CRABP2: variants seen among roughly 807,000 people sequenced by gnomAD.
CRABP2 encodes cellular retinoic acid-binding protein 2.
In CRABP2, 20 loss-of-function variants were observed where a neutral mutation model predicts 17.9. The observed-to-expected ratio is 1.12, with a 90% confidence interval of 0.79 to 1.63. The LOEUF (loss-of-function observed/expected upper bound fraction) is 1.63. CRABP2 is among the 40% of genes most tolerant of loss of function. The pLI, the probability that CRABP2 is intolerant of heterozygous loss-of-function variation, is 0.00. For missense variants in CRABP2, 151 were observed against 168.6 expected (o/e 0.90, Z 0.58); for synonymous variants, 76 against 66.4 (o/e 1.14, Z -0.70).
rs1648170841 is a variant in CRABP2 at position 156,705,536 on chromosome 1, G to A, written c.-90C>T. The A allele has an allele frequency of 1.4e-6, 2 of 1,454,564 alleles. No homozygotes were observed. The highest frequency in any genetic ancestry group is 1.7e-5 in the Admixed American group (1 of 58,472). 90.1% of individuals were successfully genotyped at this position (1,454,564 alleles called of 1,614,324 possible). ...TCAAAAGAGACGTCGCCGTCGCCGG[G>A]TCGTCAGGTTCTGGAACCAAGACAA... On this transcript the variant is annotated 5_prime_UTR_variant, in exon 1 of 4. Transcript: ENST00000368222. The surrounding 1 kb of genome is among the most constrained non-coding windows in gnomAD (Gnocchi z 5.2).
At position 156,705,202 on chromosome 1, in the gene CRABP2, G is replaced by T. The variant is rs1051759726; in HGVS notation, c.70+175C>A. On this transcript the variant is annotated intron_variant, in intron 1 of 3. Transcript: ENST00000368222. The surrounding 1 kb of genome is among the most constrained non-coding windows in gnomAD (Gnocchi z 5.2). ...CCGGTGGGCCCCCGCAGGAGAAAGC[G>T]GGATTTAGGCGTCGTGCCCAGAGCC... Among the ~76,000 whole-genome samples the T allele has an allele frequency of 6.6e-6, 1 of 152,192 alleles. No homozygotes were observed. Among genetic ancestry groups the T allele is most frequent in the African/African-American group, 2.4e-5 (1 of 41,448 alleles).
At chr1:156,700,247 G>A (rs563196944) in intron 3 of CRABP2, among the ~76,000 whole-genome samples, 171 bp from the exon 4 acceptor site, 1 of 152,248 alleles carries the variant, frequency 6.6e-6, no homozygotes, top group East Asian at 1.9e-4. Context: ...AATGGAGGGA[G>A]GATAGCAATA....
chr1:156,705,675 C>CA (rs1277334776), upstream of CRABP2: 3 of 486,892 alleles, frequency 6.2e-6, no homozygotes, highest in East Asian at 9.4e-5. This position sits in a 1 kb window ranked among gnomAD's most constrained non-coding sequence, Gnocchi z 5.2. Context: ...TCCGCCCCCC[C>CA]CCACCTGGGG....
Position 156,705,472 on chromosome 1 carries a change from G to A in CRABP2, c.-26C>T, listed in dbSNP as rs755310208. 5 of 1,612,412 alleles carry A rather than the reference G, an allele frequency of 3.1e-6. No homozygotes were observed. Among genetic ancestry groups the A allele is most frequent in the South Asian group, 2.2e-5 (2 of 91,048 alleles). ...GGTGGCGGCGCGGGAGGCGGTCCCC[G>A]TAGACTCCTAGGCTGGAGCACTGGA... On this transcript the variant is annotated 5_prime_UTR_variant, in exon 1 of 4. In the 5' UTR this introduces an upstream ATG that the reference lacks. Transcript: ENST00000368222. This position sits in a 1 kb window ranked among gnomAD's most constrained non-coding sequence, Gnocchi z 5.2.
intron 3 of CRABP2, 64 bp from the exon 4 acceptor site, chr1:156,700,140 G>A (rs1282776116): frequency 6.5e-7 from 1 of 1,544,756 alleles, no homozygotes; most frequent in East Asian, 2.3e-5. Flanking sequence ...TTGGAGAGGA[G>A]GGTTGAATGG....
chr1:156,700,200 C>A, intron 3 of CRABP2, 124 bp from the exon 4 acceptor site: 2 of 955,462 alleles, frequency 2.1e-6, no homozygotes, highest in Non-Finnish European at 3.3e-6. Flanking sequence ...GGCTCAAGAC[C>A]AACAGGCAGG....
chr1:156,704,699 A>C (rs1459228898), intron 1 of CRABP2, among the ~76,000 whole-genome samples: 1 of 152,192 alleles, frequency 6.6e-6, no homozygotes, highest in East Asian at 1.9e-4. Context: ...GGGGTTTCAC[A>C]CGAAACCATT....
At chr1:156,704,757 C>T (rs928398718) in intron 1 of CRABP2, among the ~76,000 whole-genome samples, 1 of 151,340 alleles carries the variant, frequency 6.6e-6, no homozygotes, top group East Asian at 1.9e-4. Flanking sequence ...TTTTAGAACT[C>T]TGGAGCTGCT....
At position 156,699,851 on chromosome 1, in the gene CRABP2, A is replaced by G; in HGVS notation, c.*175T>C. ...TTCCTCTTTGTTGGTGTAGGGGAGG[A>G]GAGAAGAGGTCAAAGAAAGCAAGAC... On this transcript the variant is annotated 3_prime_UTR_variant, in exon 4 of 4. Coordinates refer to ENST00000368222, the MANE Select transcript of CRABP2 (RefSeq NM_001878.4). 2 of 611,556 alleles carry G rather than the reference A, an allele frequency of 3.3e-6. No individual in the cohort carries two copies. The highest frequency in any genetic ancestry group is 5.8e-6 in the Non-Finnish European group (2 of 346,568). 37.9% of individuals were successfully genotyped at this position (611,556 alleles called of 1,614,324 possible). A position where few individuals can be genotyped will look rare whatever the true frequency, so the allele number is the denominator to read the frequency against.
chr1:156,703,380 T>C (rs573917771), intron 1 of CRABP2, among the ~76,000 whole-genome samples: 2 of 152,152 alleles, frequency 1.3e-5, no homozygotes, highest in African/African-American at 2.4e-5. Flanking sequence ...AGCACCCCTC[T>C]GAAAGGAAGA....
Position 156,705,457 on chromosome 1 carries a change from C to T in CRABP2, c.-11G>A, listed in dbSNP as rs1341739974. The T allele has an allele frequency of 2.5e-6, 4 of 1,614,068 alleles. No individual in the cohort carries two copies. In the South Asian group the frequency reaches 4.4e-5, roughly 18 times the overall value. On this transcript the variant is annotated 5_prime_UTR_variant, in exon 1 of 4. Transcript: ENST00000368222. This position sits in a 1 kb window ranked among gnomAD's most constrained non-coding sequence, Gnocchi z 5.2. ...AGAGAAGTTGGGCATGGTGGCGGCGCGGGAGGCGGTCCCCGTAGACTCCTA... is the reference window on the plus strand; with the variant it reads ...AGAGAAGTTGGGCATGGTGGCGGCGTGGGAGGCGGTCCCCGTAGACTCCTA...
intron 1 of CRABP2, among the ~76,000 whole-genome samples, chr1:156,704,425 G>A (rs1184926654): frequency 6.6e-6 from 1 of 152,118 alleles, no homozygotes; most frequent in Non-Finnish European, 1.5e-5. Flanking sequence ...CTGCCCTTAC[G>A]CTCCCAGTGG....
intron 3 of CRABP2, among the ~76,000 whole-genome samples, 181 bp from the exon 4 acceptor site, chr1:156,700,257 A>G (rs114938415): frequency 0.012 from 1,844 of 152,218 alleles, 28 homozygotes; most frequent in African/African-American, 0.042. Context: ...GGATAGCAAT[A>G]GAGCCCCTGG....
upstream of CRABP2, chr1:156,705,716 T>C: frequency 2.2e-6 from 1 of 445,050 alleles, no homozygotes; most frequent in Non-Finnish European, 4.1e-6. This position sits in a 1 kb window ranked among gnomAD's most constrained non-coding sequence, Gnocchi z 5.2. Context: ...AACCTCTGGA[T>C]CTAGCCCGCG....
At chr1:156,703,747 A>G (rs1230304387) in intron 1 of CRABP2, among the ~76,000 whole-genome samples, 1 of 152,172 alleles carries the variant, frequency 6.6e-6, no homozygotes, top group Admixed American at 6.5e-5. Flanking sequence ...ACAGGTCCCC[A>G]AGTCTTATTG....
chr1:156,702,451 C>T (rs183734782), intron 1 of CRABP2, among the ~76,000 whole-genome samples: 4 of 149,884 alleles, frequency 2.7e-5, no homozygotes, highest in African/African-American at 4.9e-5. Context: ...GGCGAGACTC[C>T]ATCTCAAAAA....
chr1:156,701,387 G>T (rs529126625), intron 1 of CRABP2, among the ~76,000 whole-genome samples: 363 of 152,166 alleles, frequency 2.4e-3, no homozygotes, highest in Non-Finnish European at 4.0e-3. Flanking sequence ...GAATGCCCAG[G>T]GGCAGCTTCT....
chr1:156,705,581 G>A lies in CRABP2; in HGVS notation c.-135C>T. 2.2e-6 allele frequency: 2 copies of A among 906,534 alleles called. No individual in the cohort carries two copies. Among genetic ancestry groups the A allele is most frequent in the South Asian group, 2.9e-5 (2 of 68,042 alleles). 56.2% of individuals were successfully genotyped at this position (906,534 alleles called of 1,614,324 possible). The stretch of plus-strand genomic sequence containing the variant: ...AGACAAGTCCAGGGACAACCCCAAA[G>A]CTGGCCTGGGCTCCCGCGCGGACAG... On this transcript the variant is annotated 5_prime_UTR_variant, in exon 1 of 4. Coordinates refer to ENST00000368222, the MANE Select transcript of CRABP2 (RefSeq NM_001878.4). This position sits in a 1 kb window ranked among gnomAD's most constrained non-coding sequence, Gnocchi z 5.2.
chr1:156,704,646 G>A (rs758361416), intron 1 of CRABP2, among the ~76,000 whole-genome samples: 22 of 152,218 alleles, frequency 1.4e-4, no homozygotes, highest in Non-Finnish European at 2.5e-4. Context: ...ATCTATGGTC[G>A]GGGGAGGTAG....
Sources: allele counts gnomAD v4.1 joint callset (sites outside exome capture counted in the v4.1 genomes callset), GRCh38; gene constraint gnomAD v4.1.1; non-coding constraint Gnocchi (gnomAD v3.1); transcripts MANE v1.5; gene names NCBI Gene and HGNC (gene_info 2026-07-23, HGNC 2026-07-21).